Variants in LZTFL1 observed in about 807,000 individuals in gnomAD.
LZTFL1 encodes leucine zipper transcription factor-like protein 1.
Under a neutral mutation model 45.9 loss-of-function variants are expected in LZTFL1, and 25 were observed. The ratio of observed to expected loss-of-function variants is 0.54; its 90% confidence interval spans 0.40 to 0.76. LZTFL1 has a LOEUF of 0.76. Among genes scored for constraint, LZTFL1 ranks in the 30% least tolerant of loss-of-function variants. LZTFL1 has a pLI of 0.00. For missense variants in LZTFL1, 277 were observed against 331.1 expected (o/e 0.84, Z 1.27); for synonymous variants, 93 against 117.4 (o/e 0.79, Z 1.35).
chr3:45,870,726 T>G (rs1366726338), intron 2 of LZTFL1, among the ~76,000 whole-genome samples: 1 of 152,216 alleles, frequency 6.6e-6, no homozygotes, highest in Non-Finnish European at 1.5e-5. Flanking sequence ...TTAAGCAATT[T>G]ATTCTTGAAA....
intron 4 of LZTFL1, among the ~76,000 whole-genome samples, chr3:45,849,356 C>T (rs750983976): frequency 6.6e-6 from 1 of 152,280 alleles, no homozygotes; most frequent in South Asian, 2.1e-4. Flanking sequence ...CATGTGGACT[C>T]CTTACAAACG....
chr3:45,853,069 C>G lies in LZTFL1; in HGVS notation c.-49+1917G>C, dbSNP rs182584668. 2.3e-3 allele frequency among the ~76,000 whole-genome samples: 348 copies of G among 152,242 alleles called. 2 individuals carry two copies. The highest frequency in any genetic ancestry group is 3.9e-3 in the Non-Finnish European group (262 of 68,018). On this transcript the variant is annotated intron_variant, in intron 4 of 4. Transcript: ENST00000472635. ...CTCCAGATGGCTGAAGAGACCGAGG[C>G]CTTTCACACTGAAGGTGGGGTAGGT...
chr3:45,911,499 C>G (rs1163188946), intron 2 of LZTFL1, among the ~76,000 whole-genome samples: 1 of 152,260 alleles, frequency 6.6e-6, no homozygotes. Context: ...GGATCCACGT[C>G]TTTCTGATTC....
intron 2 of LZTFL1, among the ~76,000 whole-genome samples, chr3:45,871,360 G>A (rs1216078285): frequency 1.3e-5 from 2 of 152,172 alleles, no homozygotes; most frequent in African/African-American, 2.4e-5. Context: ...CACAGTGCTT[G>A]ATATTAAACT....
intron 2 of LZTFL1, among the ~76,000 whole-genome samples, chr3:45,881,288 C>G (rs1701854971): frequency 6.6e-6 from 1 of 152,214 alleles, no homozygotes; most frequent in South Asian, 2.1e-4. Flanking sequence ...ATATCACATC[C>G]AGTGCTACAT....
chr3:45,828,381 A>C, intron 8 of LZTFL1, 58 bp downstream of exon 8: 1 of 1,492,704 alleles, frequency 6.7e-7, no homozygotes, highest in African/African-American at 1.4e-5. Context: ...GTATTCCTCT[A>C]TACTGTGTGC....
rs1197703136 is a variant in LZTFL1, at chr3:45,901,130, C to A, written c.-215+11990G>T. 1.2e-6 allele frequency: 2 copies of A among 1,614,114 alleles called. No homozygotes were observed. Among genetic ancestry groups the A allele is most frequent in the Admixed American group, 1.7e-5 (1 of 60,030 alleles). ...TTGCTGCTGCTGACCAGTGGAAGTT[C>A]CAGACCTTCATGTGCAAGGTGGTCA... On this transcript the variant is annotated intron_variant, in intron 2 of 4. Coordinates refer to the LZTFL1 transcript ENST00000472635. The surrounding 1 kb of genome is among the most constrained non-coding windows in gnomAD (Gnocchi z 4.3).
intron 4 of LZTFL1, 86 bp from the exon 5 acceptor site, chr3:45,833,207 G>A: frequency 1.1e-6 from 1 of 894,560 alleles, no homozygotes; most frequent in Non-Finnish European, 1.9e-6. Flanking sequence ...GCAAGTGGAA[G>A]ATACTATATA....
At chr3:45,833,577 G>C (rs1700887955) in intron 4 of LZTFL1, among the ~76,000 whole-genome samples, 1 of 151,874 alleles carries the variant, frequency 6.6e-6, no homozygotes, top group African/African-American at 2.4e-5. Flanking sequence ...CAATAACTTG[G>C]CACAAATAAT....
chr3:45,841,035 G>T (rs375773380), intron 1 of LZTFL1, among the ~76,000 whole-genome samples: 1 of 152,238 alleles, frequency 6.6e-6, no homozygotes, highest in Non-Finnish European at 1.5e-5. Flanking sequence ...AATGACAGAA[G>T]ATAGAACAGG....
At chr3:45,905,251 C>T (rs1223241448) in intron 2 of LZTFL1, among the ~76,000 whole-genome samples, 3 of 152,180 alleles carry the variant, frequency 2.0e-5, no homozygotes, top group Non-Finnish European at 4.4e-5. Flanking sequence ...TCTCTCTCTC[C>T]CCATCTCATG....
intron 2 of LZTFL1, among the ~76,000 whole-genome samples, chr3:45,903,728 C>T (rs1266793287): frequency 3.3e-5 from 5 of 152,180 alleles, no homozygotes; most frequent in Admixed American, 1.3e-4. Flanking sequence ...ACATGCTGCC[C>T]GTGAGGGGGC....
At chr3:45,867,022 C>T (rs35652899) in intron 2 of LZTFL1, among the ~76,000 whole-genome samples, 1 of 151,856 alleles carries the variant, frequency 6.6e-6, no homozygotes, top group Non-Finnish European at 1.5e-5. Context: ...GTGGCGCATG[C>T]CTGTAATCCC....
intron 5 of LZTFL1, 21 bp from the exon 6 acceptor site, chr3:45,831,159 TTTA>T (rs1341550938): frequency 7.5e-7 from 1 of 1,330,982 alleles, no homozygotes; most frequent in African/African-American, 1.5e-5. Context: ...AAATTCAAAT[TTTA>T]TTATATTAAC....
At chr3:45,837,767 T>C (rs1180119220) in intron 2 of LZTFL1, among the ~76,000 whole-genome samples, 160 bp downstream of exon 2, 1 of 152,256 alleles carries the variant, frequency 6.6e-6, no homozygotes, top group Non-Finnish European at 1.5e-5. Flanking sequence ...ACAACTTCTT[T>C]TGTTTCCTGT....
intron 1 of LZTFL1, among the ~76,000 whole-genome samples, chr3:45,841,192 A>G (rs1575262897): frequency 6.6e-6 from 1 of 152,224 alleles, no homozygotes; most frequent in South Asian, 2.1e-4. Flanking sequence ...GCTCCCAGAC[A>G]GCGCTTGGAA....
intron 2 of LZTFL1, among the ~76,000 whole-genome samples, chr3:45,885,787 T>A (rs1701966188): frequency 6.6e-6 from 1 of 152,182 alleles, no homozygotes; most frequent in Non-Finnish European, 1.5e-5. Context: ...AGTGGTGCAA[T>A]CTTGGCTCAC....
chr3:45,891,339 C>T (rs1375042530), intron 2 of LZTFL1, among the ~76,000 whole-genome samples: 1 of 152,204 alleles, frequency 6.6e-6, no homozygotes, highest in Non-Finnish European at 1.5e-5. Flanking sequence ...TAATTTCAAG[C>T]TCACTGAAAA....
At chr3:45,865,824 T>C (rs946190475) in intron 2 of LZTFL1, among the ~76,000 whole-genome samples, 2 of 152,246 alleles carry the variant, frequency 1.3e-5, no homozygotes, top group African/African-American at 4.8e-5. Context: ...GAAATATATG[T>C]TCCTGCAAAT....
Sources: allele counts gnomAD v4.1 joint callset (sites outside exome capture counted in the v4.1 genomes callset), GRCh38; gene constraint gnomAD v4.1.1; non-coding constraint Gnocchi (gnomAD v3.1); transcripts MANE v1.5; gene names NCBI Gene and HGNC (gene_info 2026-07-23, HGNC 2026-07-21).